LARGE1: variants seen among roughly 807,000 people sequenced by gnomAD.
LARGE1 encodes the protein xylosyl- and glucuronyltransferase LARGE1.
In LARGE1, 43 loss-of-function variants were observed where a neutral mutation model predicts 87.6. The ratio of observed to expected loss-of-function variants is 0.49; its 90% confidence interval spans 0.38 to 0.63. The LOEUF is 0.63. LARGE1 is among the 30% of genes least tolerant of loss of function. LARGE1 has a pLI of 0.00. For missense variants in LARGE1, 802 were observed against 1,000.2 expected (o/e 0.80, Z 2.67); for synonymous variants, 434 against 394.6 (o/e 1.10, Z -1.18).
intron 2 of LARGE1, among the ~76,000 whole-genome samples, chr22:33,653,928 C>G (rs1031607578): frequency 6.6e-6 from 1 of 152,164 alleles, no homozygotes; most frequent in Non-Finnish European, 1.5e-5. Context: ...GAGGAGCAAG[C>G]AAGCAGGCTT....
chr22:33,826,588 G>A (rs140973097), intron 1 of LARGE1, among the ~76,000 whole-genome samples: 1,776 of 152,034 alleles, frequency 0.012, 39 homozygotes, highest in African/African-American at 0.041. Context: ...TGATCCGCCC[G>A]CCTCGGCCTC....
intron 12 of LARGE1, among the ~76,000 whole-genome samples, chr22:33,292,229 C>A (rs550245314): frequency 9.9e-5 from 15 of 152,272 alleles, no homozygotes; most frequent in African/African-American, 3.1e-4. Context: ...GAATACATTT[C>A]TAAAAAATTA....
chr22:33,579,853 C>G (rs2267234), intron 5 of LARGE1, among the ~76,000 whole-genome samples: 74,804 of 152,044 alleles, frequency 0.49, 18,497 homozygotes, highest in Middle Eastern at 0.54. Flanking sequence ...ATTCTAACTG[C>G]GGAAGATCAA....
At chr22:33,137,558 T>A in the LARGE1 span, among the ~76,000 whole-genome samples, 4 of 152,254 alleles carry the variant, frequency 2.6e-5, no homozygotes, top group Non-Finnish European at 5.9e-5. Context: ...AGGAGCTGAA[T>A]GTTAATCCTC....
chr22:33,275,244 T>C (rs1224855447), intron 14 of LARGE1, among the ~76,000 whole-genome samples: 1 of 152,194 alleles, frequency 6.6e-6, no homozygotes, highest in Non-Finnish European at 1.5e-5. Context: ...AGAATACAGC[T>C]TAATACTCAG....
At chr22:33,256,786 C>A (rs1440665985) in intron 11 of LARGE1, among the ~76,000 whole-genome samples, 3 of 152,228 alleles carry the variant, frequency 2.0e-5, no homozygotes, top group African/African-American at 7.2e-5. Flanking sequence ...TTCATATATT[C>A]ATTTTGCAGA....
intron 2 of LARGE1, among the ~76,000 whole-genome samples, chr22:33,702,926 C>T (rs1040755245): frequency 3.9e-5 from 6 of 152,012 alleles, no homozygotes; most frequent in East Asian, 1.9e-4. Flanking sequence ...GACCCTGAGA[C>T]GGGGTTCTAA....
intron 11 of LARGE1, among the ~76,000 whole-genome samples, chr22:33,190,674 C>A (rs1281163160): frequency 1.4e-4 from 21 of 152,100 alleles, no homozygotes; most frequent in Non-Finnish European, 2.9e-5. Context: ...AGTTTCACCA[C>A]AAATGCAGAT....
At chr22:33,271,432 G>A (rs1377305122), downstream of LARGE1, among the ~76,000 whole-genome samples, 2 of 152,156 alleles carry the variant, frequency 1.3e-5, no homozygotes, top group Non-Finnish European at 2.9e-5. Flanking sequence ...CCAAGGGTTC[G>A]GTGAACTCAT....
chr22:33,385,335 C>T (rs2065285812), intron 7 of LARGE1, among the ~76,000 whole-genome samples: 1 of 146,790 alleles, frequency 6.8e-6, no homozygotes, highest in African/African-American at 2.5e-5. Context: ...GTCAGATTAG[C>T]CTGGCCAACA....
Position 33,261,121 on chromosome 22 carries a change from C to T in LARGE1, c.1730+43108G>A, listed in dbSNP as rs540035093. On this transcript the variant is annotated intron_variant, in intron 11 of 11. Coordinates refer to the LARGE1 transcript ENST00000608642. ...GCGTGTACCAGCACCCCTTCGTGCT[C>T]GCCTGTGTGCCAAAGGTGGGAACAC... is the stretch of plus-strand genomic sequence containing the variant. Among the ~76,000 whole-genome samples, 11 of 152,314 alleles carry T rather than the reference C, an allele frequency of 7.2e-5. No individual in the cohort carries two copies. The East Asian group carries it at 9.6e-4, about 13-fold the overall frequency.
At chr22:33,253,020 G>C (rs368624272) in intron 11 of LARGE1, among the ~76,000 whole-genome samples, 1 of 152,180 alleles carries the variant, frequency 6.6e-6, no homozygotes, top group Admixed American at 6.5e-5. Context: ...AGAATGGGGA[G>C]ATTATGAGCT....
At chr22:33,428,924 T>C (rs537768439) in intron 7 of LARGE1, among the ~76,000 whole-genome samples, 11 of 105,216 alleles carry the variant, frequency 1.0e-4, no homozygotes, top group African/African-American at 4.0e-4. Context: ...AGCGAGACTC[T>C]GTCTCAAAAA....
chr22:33,485,804 C>T (rs80175893), intron 6 of LARGE1, among the ~76,000 whole-genome samples: 4,431 of 152,248 alleles, frequency 0.029, 202 homozygotes, highest in African/African-American at 0.1. Context: ...CACTCTCAAC[C>T]GCACTTACTC....
At chr22:33,794,154 A>G (rs184385467) in intron 1 of LARGE1, among the ~76,000 whole-genome samples, 89 of 152,274 alleles carry the variant, frequency 5.8e-4, no homozygotes, top group African/African-American at 2.0e-3. Flanking sequence ...CAAGTCTGCG[A>G]CGTATGTAGT....
upstream of LARGE1, among the ~76,000 whole-genome samples, chr22:33,921,017 T>A (rs1288990922): frequency 2.7e-5 from 4 of 149,832 alleles, no homozygotes; most frequent in Non-Finnish European, 4.5e-5. The surrounding 1 kb of genome is among the most constrained non-coding windows in gnomAD (Gnocchi z 4.1). Context: ...ACTGTGTGTC[T>A]GTGTCATGTC....
At chr22:33,293,187 A>C (rs532683730) in intron 12 of LARGE1, among the ~76,000 whole-genome samples, 1 of 152,350 alleles carries the variant, frequency 6.6e-6, no homozygotes, top group Admixed American at 6.5e-5. Context: ...ATAACGAGAA[A>C]GCATATAGGA....
At chr22:33,592,031 GAAAAGAAAGGAAA>G (rs984449550) in intron 5 of LARGE1, among the ~76,000 whole-genome samples, 1 of 122,356 alleles carries the variant, frequency 8.2e-6, no homozygotes, top group Non-Finnish European at 1.6e-5. Context: ...GAGAAAGAAA[GAAAAGAAAGGAAA>G]AAAAGAAAGA....
At chr22:33,212,813 C>A (rs569818725) in intron 11 of LARGE1, among the ~76,000 whole-genome samples, 1 of 151,972 alleles carries the variant, frequency 6.6e-6, no homozygotes, top group South Asian at 2.1e-4. Context: ...ATCAGGAGAT[C>A]GAGACCATCC....
Sources: gnomAD v4.1 joint callset for allele counts (sites outside exome capture counted in the v4.1 genomes callset) on GRCh38, gnomAD v4.1.1 for gene constraint, Gnocchi (gnomAD v3.1) non-coding constraint, MANE v1.5 for transcripts, NCBI Gene and HGNC (gene_info 2026-07-23, HGNC 2026-07-21) for gene names.